GLYATL2: variants seen among roughly 807,000 people sequenced by gnomAD.
The protein encoded by GLYATL2 is glycine N-acyltransferase-like protein 2.
A neutral mutation model predicts 21.4 loss-of-function variants in GLYATL2; 25 were observed. The observed-to-expected ratio is 1.17, with a 90% CI of 0.85 to 1.63. The LOEUF (loss-of-function observed/expected upper bound fraction) is 1.63, where lower values mean the gene tolerates loss of function less well. Ranked by LOEUF, GLYATL2 falls within the 40% of genes most tolerant of loss-of-function variation. The pLI is 0.00. For synonymous variants in GLYATL2, 114 were observed against 118.2 expected, an observed-to-expected ratio of 0.96 and a Z score of 0.23; for missense variants, 361 against 343.3, an observed-to-expected ratio of 1.05 and a Z score of -0.41.
intron 1 of GLYATL2, among the ~76,000 whole-genome samples, chr11:58,884,519 G>A (rs755987771): frequency 2.6e-5 from 4 of 152,182 alleles, no homozygotes; most frequent in Non-Finnish European, 4.4e-5. Flanking sequence ...TGCGAGGGCT[G>A]ATATTTTCTA....
chr11:58,907,269 C>A (rs1432717766), upstream of GLYATL2: 1 of 456,158 alleles, frequency 2.2e-6, no homozygotes, highest in East Asian at 6.9e-5. Flanking sequence ...GGCCTGTGAT[C>A]TCTTGTCACC....
intron 1 of GLYATL2, among the ~76,000 whole-genome samples, chr11:58,888,701 G>C (rs1854485596): frequency 2.0e-5 from 3 of 151,718 alleles, no homozygotes; most frequent in Admixed American, 2.0e-4. Context: ...ATCTAATAAA[G>C]CAAATCACCC....
chr11:58,907,235 C>G (rs1854917891), upstream of GLYATL2: 1 of 456,180 alleles, frequency 2.2e-6, no homozygotes, highest in Admixed American at 2.3e-5. Flanking sequence ...CTCTCTGCCT[C>G]TGCAGGTCAC....
upstream of GLYATL2, among the ~76,000 whole-genome samples, chr11:58,906,871 G>A (rs989891874): frequency 8.5e-5 from 13 of 152,180 alleles, no homozygotes; most frequent in African/African-American, 3.1e-4. Context: ...GCTCATTTGA[G>A]GCGGGGGTTG....
At chr11:58,855,768 T>C (rs1439330554) in intron 1 of GLYATL2, among the ~76,000 whole-genome samples, 1 of 152,228 alleles carries the variant, frequency 6.6e-6, no homozygotes, top group Non-Finnish European at 1.5e-5. Context: ...CTTAGCTAGA[T>C]CTTCTGGATA....
At chr11:58,876,168 G>A (rs1216230822) in intron 1 of GLYATL2, among the ~76,000 whole-genome samples, 14 of 152,052 alleles carry the variant, frequency 9.2e-5, no homozygotes, top group Non-Finnish European at 2.1e-4. Flanking sequence ...TCTCTGCATT[G>A]GTTATTCTAG....
At chr11:58,907,859 TC>T (rs1162321341), upstream of GLYATL2, 2 of 160,332 alleles carry the variant, frequency 1.2e-5, no homozygotes, top group African/African-American at 4.8e-5. Flanking sequence ...GCTAATGTTG[TC>T]CCACTATGGA....
chr11:58,836,930 T>C (rs1179092509), intron 5 of GLYATL2, 85 bp downstream of exon 5: 2 of 1,249,140 alleles, frequency 1.6e-6, no homozygotes, highest in Non-Finnish European at 2.3e-6. Flanking sequence ...TAATTTAGTC[T>C]CAAATCCTAC....
intron 1 of GLYATL2, among the ~76,000 whole-genome samples, chr11:58,870,607 G>A (rs1273689753): frequency 6.6e-6 from 1 of 152,174 alleles, no homozygotes; most frequent in Non-Finnish European, 1.5e-5. Flanking sequence ...CCTACTTGGG[G>A]CACAGTTTTA....
intron 1 of GLYATL2, among the ~76,000 whole-genome samples, chr11:58,868,507 C>T (rs1184127386): frequency 2.0e-5 from 3 of 149,102 alleles, no homozygotes; most frequent in African/African-American, 7.3e-5. Flanking sequence ...ACCGAACTTG[C>T]ATCTCCTATG....
At chr11:58,843,782 A>T (rs1219386811) in intron 1 of GLYATL2, among the ~76,000 whole-genome samples, 2 of 152,182 alleles carry the variant, frequency 1.3e-5, no homozygotes, top group Non-Finnish European at 2.9e-5. Flanking sequence ...AGAGGTTAAG[A>T]TGTCAGAGGC....
upstream of GLYATL2, chr11:58,908,489 G>C (rs1232736493): frequency 4.8e-6 from 1 of 208,946 alleles, no homozygotes; most frequent in Non-Finnish European, 1.1e-5. Context: ...AAGACTGAAG[G>C]GAACAAGTCA....
chr11:58,905,664 A>G, upstream of GLYATL2: 1 of 452,430 alleles, frequency 2.2e-6, no homozygotes, highest in Non-Finnish European at 4.4e-6. Context: ...TTATCCTGGT[A>G]CGCGGGAACT....
At chr11:58,867,161 C>T (rs1854036786) in intron 1 of GLYATL2, among the ~76,000 whole-genome samples, 1 of 148,898 alleles carries the variant, frequency 6.7e-6, no homozygotes, top group Non-Finnish European at 1.5e-5. Flanking sequence ...CTCATTGCCA[C>T]TCTTTGTAGT....
intron 1 of GLYATL2, among the ~76,000 whole-genome samples, chr11:58,876,196 G>A (rs1271245618): frequency 6.6e-6 from 1 of 152,084 alleles, no homozygotes; most frequent in Non-Finnish European, 1.5e-5. Context: ...TTCATCTAAT[G>A]TTTTTTCAAA....
chr11:58,881,198 C>T (rs1412281754), intron 1 of GLYATL2, among the ~76,000 whole-genome samples: 1 of 152,148 alleles, frequency 6.6e-6, no homozygotes, highest in Non-Finnish European at 1.5e-5. Context: ...TGTGTAATCT[C>T]ATTCCTCTGG....
chr11:58,863,531 C>T (rs953813262), intron 1 of GLYATL2, among the ~76,000 whole-genome samples: 1 of 152,120 alleles, frequency 6.6e-6, no homozygotes, highest in South Asian at 2.1e-4. Context: ...ACAGCTGGAC[C>T]CTGAGTTTAT....
chr11:58,840,207 G>A (rs530373613), intron 1 of GLYATL2, among the ~76,000 whole-genome samples: 1 of 152,222 alleles, frequency 6.6e-6, no homozygotes, highest in African/African-American at 2.4e-5. Context: ...ATACCACCAA[G>A]TAGAAATTGG....
chr11:58,837,017 G>C lies in GLYATL2; in HGVS notation c.474C>G (p.Asn158Lys). The change falls in exon 5 of 6, where the codon AAC becomes AAG. Residue 158 changes from asparagine to lysine, a missense_variant and splice_region_variant. Transcript: ENST00000287275. ...KMELFEVDDD[N>K]KEGNFSNMFL... is the part of the protein sequence containing the mutation. ...GGAAGCAAAAGGTAAAATCTCACTT[G>C]TTATCATCATCCACTTCAAATAACT... The C allele has an allele frequency of 6.2e-7, 1 of 1,611,498 alleles. No individual in the cohort carries two copies.
Sources: allele counts gnomAD v4.1 joint callset (sites outside exome capture counted in the v4.1 genomes callset), GRCh38; gene constraint gnomAD v4.1.1; transcripts MANE v1.5; gene names NCBI Gene and HGNC (gene_info 2026-07-23, HGNC 2026-07-21).